Variants in DAB1 observed in about 807,000 individuals in gnomAD.
DAB1 encodes DAB adaptor protein 1, also known as disabled homolog 1.
In DAB1, 15 loss-of-function variants were observed where a neutral mutation model predicts 64.6. That is an observed-to-expected ratio of 0.23 (90% CI 0.16 to 0.36). The LOEUF (loss-of-function observed/expected upper bound fraction) is 0.36. Ranked by LOEUF, DAB1 falls within the 10% of genes least tolerant of loss-of-function variation. The pLI is 1.00. For synonymous variants in DAB1, 235 were observed against 251.9 expected, an observed-to-expected ratio of 0.93 and a Z score of 0.64; for missense variants, 596 against 706.7, an observed-to-expected ratio of 0.84 and a Z score of 1.78.
At chr1:57,441,195 C>T (rs1004476378) in intron 7 of DAB1, among the ~76,000 whole-genome samples, 16 of 152,210 alleles carry the variant, frequency 1.1e-4, no homozygotes, top group African/African-American at 3.1e-4. Flanking sequence ...CTGCAAAGGA[C>T]ACAATTTCAT....
intron 3 of DAB1, among the ~76,000 whole-genome samples, chr1:58,490,771 G>A (rs907208446): frequency 2.1e-5 from 3 of 145,814 alleles, no homozygotes; most frequent in African/African-American, 7.5e-5. Context: ...AGCCAGAAGA[G>A]AGTGGGGGCC....
At chr1:57,681,677 G>C (rs1646637877) in intron 6 of DAB1, among the ~76,000 whole-genome samples, 1 of 152,174 alleles carries the variant, frequency 6.6e-6, no homozygotes, top group Non-Finnish European at 1.5e-5. Flanking sequence ...AAAGGGAACT[G>C]TCAGTAGATA....
intron 9 of DAB1, among the ~76,000 whole-genome samples, chr1:57,056,716 T>A (rs1198982439): frequency 6.6e-6 from 1 of 151,276 alleles, no homozygotes; most frequent in Non-Finnish European, 1.5e-5. Context: ...ATACTAAAAT[T>A]AGCCAGGCGT....
chr1:57,748,238 G>A (rs902069137), intron 6 of DAB1, among the ~76,000 whole-genome samples: 2 of 152,108 alleles, frequency 1.3e-5, no homozygotes, highest in African/African-American at 4.8e-5. Context: ...TTTGGTGCAG[G>A]TACAGGTGTG....
chr1:57,742,161 T>C (rs1173821101), intron 6 of DAB1, among the ~76,000 whole-genome samples: 2 of 152,156 alleles, frequency 1.3e-5, no homozygotes, highest in African/African-American at 4.8e-5. Context: ...TTTGGGCTCC[T>C]CAGCCCACTA....
intron 4 of DAB1, among the ~76,000 whole-genome samples, chr1:58,258,548 G>C (rs553946180): frequency 6.6e-6 from 1 of 152,250 alleles, no homozygotes; most frequent in Non-Finnish European, 1.5e-5. Context: ...AGGCACAGAC[G>C]AGGTGGTCTC....
At chr1:57,295,687 T>C (rs1570195352) in intron 1 of DAB1, among the ~76,000 whole-genome samples, 2 of 152,056 alleles carry the variant, frequency 1.3e-5, no homozygotes, top group Admixed American at 1.3e-4. Context: ...CCAGATAACA[T>C]GGAAGTTGTT....
intron 5 of DAB1, among the ~76,000 whole-genome samples, chr1:57,924,529 G>A (rs997328554): frequency 1.3e-5 from 2 of 151,766 alleles, no homozygotes; most frequent in Non-Finnish European, 2.9e-5. Flanking sequence ...GCACAATCTC[G>A]GCTCACTGCA....
chr1:57,004,312 G>A lies in DAB1; in HGVS notation c.*16-6184C>T, dbSNP rs180725610. Among the ~76,000 whole-genome samples, 164 of 152,318 alleles carry A rather than the reference G, an allele frequency of 1.1e-3. 3 individuals are homozygous for A. In the South Asian group the frequency reaches 0.032, roughly 30 times the overall value. ...CGCTCTTGGAAGCTACCTAAATTGT[G>A]CTGATTACTTTCTGCCCATTTAATA... On this transcript the variant is annotated intron_variant, in intron 14 of 14. Transcript: ENST00000371236.
intron 2 of DAB1, among the ~76,000 whole-genome samples, chr1:58,527,041 G>C (rs1031106852): frequency 1.3e-5 from 2 of 151,958 alleles, no homozygotes; most frequent in African/African-American, 4.8e-5. Flanking sequence ...TCTGTCTAAG[G>C]CATAATACAG....
chr1:57,258,679 A>T (rs1168013879), intron 2 of DAB1, among the ~76,000 whole-genome samples: 3 of 152,218 alleles, frequency 2.0e-5, no homozygotes, highest in Non-Finnish European at 1.5e-5. Flanking sequence ...TACGCAAATG[A>T]TCCAAATCCT....
chr1:57,983,548 A>G (rs1026420401), intron 5 of DAB1, among the ~76,000 whole-genome samples: 65 of 152,244 alleles, frequency 4.3e-4, no homozygotes, highest in Non-Finnish European at 2.9e-5. Flanking sequence ...CAGGAAGCAA[A>G]AGCAAACTGA....
chr1:57,611,128 C>CTTTT (rs5774360), intron 7 of DAB1, among the ~76,000 whole-genome samples: 4 of 111,966 alleles, frequency 3.6e-5, no homozygotes, highest in East Asian at 2.7e-4. Flanking sequence ...CGTGCAGTGG[C>CTTTT]TTTTTTTTTT....
intron 9 of DAB1, among the ~76,000 whole-genome samples, chr1:57,038,684 TACAATAA>T (rs1227632371): frequency 6.6e-6 from 1 of 152,176 alleles, no homozygotes; most frequent in African/African-American, 2.4e-5. Flanking sequence ...GCTTCAATCT[TACAATAA>T]AAGTTACATC....
At chr1:57,371,203 G>A (rs575783811) in intron 1 of DAB1, among the ~76,000 whole-genome samples, 2 of 152,332 alleles carry the variant, frequency 1.3e-5, no homozygotes, top group Admixed American at 6.5e-5. Flanking sequence ...ACCGAGGCAT[G>A]GAGACTGAAT....
At chr1:57,937,269 G>A (rs749810941) in intron 5 of DAB1, among the ~76,000 whole-genome samples, 7 of 152,054 alleles carry the variant, frequency 4.6e-5, no homozygotes, top group Non-Finnish European at 1.0e-4. Context: ...TGTTTGCTGG[G>A]GATGCAGGGT....
intron 3 of DAB1, among the ~76,000 whole-genome samples, chr1:58,401,907 T>G (rs1644572691): frequency 6.6e-6 from 1 of 152,252 alleles, no homozygotes; most frequent in Non-Finnish European, 1.5e-5. Flanking sequence ...TTTTACATGT[T>G]GTGTGGACAT....
intron 7 of DAB1, among the ~76,000 whole-genome samples, chr1:57,525,251 C>T (rs373447051): frequency 4.3e-4 from 66 of 152,172 alleles, no homozygotes; most frequent in African/African-American, 1.6e-3. Flanking sequence ...CAGCAATGCA[C>T]CAAGCCTGGT....
intron 7 of DAB1, among the ~76,000 whole-genome samples, chr1:57,523,110 T>C (rs1644549201): frequency 6.6e-6 from 1 of 152,208 alleles, no homozygotes; most frequent in African/African-American, 2.4e-5. Flanking sequence ...TTCTTCTTAA[T>C]AAACTCCCTT....
Sources: allele counts gnomAD v4.1 joint callset (sites outside exome capture counted in the v4.1 genomes callset), GRCh38; gene constraint gnomAD v4.1.1; transcripts MANE v1.5; gene names NCBI Gene and HGNC (gene_info 2026-07-23, HGNC 2026-07-21).